The following TJP2 variants were observed in gnomAD, a reference collection of about 807,000 sequenced individuals.
TJP2 encodes tight junction protein 2.
TJP2 carries 91 observed loss-of-function variants against 133.1 expected under a neutral mutation model. The observed-to-expected ratio is 0.68, with a 90% CI of 0.58 to 0.81. TJP2 has a LOEUF of 0.81. Among genes scored for constraint, TJP2 ranks in the 40% least tolerant of loss-of-function variants. TJP2 has a pLI of 0.00. For synonymous variants in TJP2, 592 were observed against 583.4 expected (o/e 1.01, Z -0.21); for missense variants, 1,541 against 1,565.6 (o/e 0.98, Z 0.26).
chr9:69,166,505 G>A (rs903875120), intron 2 of TJP2, among the ~76,000 whole-genome samples: 7 of 151,558 alleles, frequency 4.6e-5, no homozygotes, highest in African/African-American at 1.7e-4. Flanking sequence ...CACTTTGGGA[G>A]ACCAAGGTAG....
chr9:69,238,882 A>G, intron 16 of TJP2, 93 bp downstream of exon 16: 4 of 1,108,652 alleles, frequency 3.6e-6, no homozygotes, highest in Non-Finnish European at 4.0e-6. Flanking sequence ...ACTTTTAATC[A>G]TTAAATGTTA....
At chr9:69,224,601 T>C (rs1477022061) in intron 5 of TJP2, among the ~76,000 whole-genome samples, 3 of 152,110 alleles carry the variant, frequency 2.0e-5, no homozygotes, top group Non-Finnish European at 2.9e-5. Context: ...CACTTGAACC[T>C]GGGAGGCAGA....
At chr9:69,218,425 A>G (rs1828554157) in intron 4 of TJP2, 66 bp downstream of exon 4, 1 of 1,183,248 alleles carries the variant, frequency 8.5e-7, no homozygotes, top group African/African-American at 1.5e-5. Context: ...GAAGAAAATT[A>G]CCCCTTGCTT....
chr9:69,135,326 C>G (rs1303502847), intron 1 of TJP2, among the ~76,000 whole-genome samples: 1 of 152,052 alleles, frequency 6.6e-6, no homozygotes, highest in East Asian at 1.9e-4. Flanking sequence ...ATTTATTATC[C>G]CCGGTTTACA....
In TJP2 at chr9:69,221,502, C is replaced by T. The variant is rs1250296782; in HGVS notation, c.952+6C>T. 1.2e-6 allele frequency: 2 copies of T among 1,601,932 alleles called. No individual in the cohort carries two copies. Among genetic ancestry groups the T allele is most frequent in the Non-Finnish European group, 8.5e-7 (1 of 1,173,988 alleles). On this transcript the variant is annotated splice_donor_region_variant and intron_variant, in intron 5 of 22. Transcript: ENST00000377245. ...GAAAAGCAGAGCGAACGAAGGTAGG[C>T]ATGCTTGATGTGGGAAGAAAAGCAC... is the stretch of plus-strand genomic sequence containing the variant.
At chr9:69,238,832 G>C (rs1830384009) in intron 16 of TJP2, 43 bp downstream of exon 16, 30 of 1,477,446 alleles carry the variant, frequency 2.0e-5, no homozygotes, top group Non-Finnish European at 2.7e-5. Context: ...GAAAGAATTA[G>C]ATTATGGTTT....
At chr9:69,249,787 T>C (rs897195837) in intron 20 of TJP2, 8 of 977,936 alleles carry the variant, frequency 8.2e-6, no homozygotes, top group Non-Finnish European at 9.7e-6. Flanking sequence ...TACTGTACTG[T>C]ATACCCAGAA....
chr9:69,134,282 A>T (rs543910348), intron 1 of TJP2, among the ~76,000 whole-genome samples: 1 of 152,242 alleles, frequency 6.6e-6, no homozygotes. Context: ...CTGCCCTCAG[A>T]GCAGAGCTTA....
At chr9:69,209,751 CAA>C (rs377576927) in intron 1 of TJP2, among the ~76,000 whole-genome samples, 1 of 136,240 alleles carries the variant, frequency 7.3e-6, no homozygotes, top group Non-Finnish European at 1.6e-5. Context: ...AACTCCATCT[CAA>C]AAAAAAAAAA....
intron 17 of TJP2, among the ~76,000 whole-genome samples, chr9:69,242,579 AT>A (rs1325319545): frequency 2.0e-5 from 3 of 152,222 alleles, no homozygotes; most frequent in Non-Finnish European, 4.4e-5. Context: ...CCAATCTCTT[AT>A]GTAGAATTGT....
chr9:69,209,756 A>AC (rs1827723262), intron 1 of TJP2, among the ~76,000 whole-genome samples: 2 of 151,934 alleles, frequency 1.3e-5, no homozygotes, highest in South Asian at 4.2e-4. Context: ...CATCTCAAAA[A>AC]AAAAAAACAA....
intron 2 of TJP2, among the ~76,000 whole-genome samples, chr9:69,214,802 G>A (rs772606395): frequency 6.7e-6 from 1 of 150,042 alleles, no homozygotes; most frequent in East Asian, 2.0e-4. Context: ...GAACCTAGGA[G>A]GCAGGGGTTG....
rs1461747690 is a variant in TJP2 at position 69,124,636 on chromosome 9, C to T, written c.-131+2911C>T. Among the ~76,000 whole-genome samples, 14 of 77,552 alleles carry T rather than the reference C, an allele frequency of 1.8e-4. 5 individuals carry two copies. The highest frequency in any genetic ancestry group is 2.0e-4 in the African/African-American group (5 of 25,494). 50.9% of individuals were successfully genotyped at this position (77,552 alleles called of 152,430 possible). ...AAATGGTGAATGAAGATAATTCAAA[C>T]GGCAAGATTTGGCAGAACATTCTCT... On this transcript the variant is annotated intron_variant, in intron 1 of 5. Transcript: ENST00000423935.
intron 1 of TJP2, among the ~76,000 whole-genome samples, chr9:69,179,306 A>T (rs998773929): frequency 6.6e-6 from 1 of 152,196 alleles, no homozygotes; most frequent in East Asian, 1.9e-4. Context: ...GAAAAACGTA[A>T]TGTAGCTTTC....
chr9:69,202,109 T>G (rs917682336), intron 1 of TJP2, among the ~76,000 whole-genome samples: 1 of 152,112 alleles, frequency 6.6e-6, no homozygotes, highest in African/African-American at 2.4e-5. Flanking sequence ...AAACAGAAAT[T>G]TATTTGCCCA....
chr9:69,250,546 T>G (rs903771954), intron 20 of TJP2, among the ~76,000 whole-genome samples: 1 of 152,120 alleles, frequency 6.6e-6, no homozygotes, highest in East Asian at 1.9e-4. Context: ...AGACTGGAAG[T>G]GTGAAGGAAA....
chr9:69,217,488 G>A (rs925114248), intron 3 of TJP2, among the ~76,000 whole-genome samples: 4 of 152,262 alleles, frequency 2.6e-5, no homozygotes, highest in Non-Finnish European at 2.9e-5. Flanking sequence ...TGGCAGGAAC[G>A]CTTGAGGCCA....
intron 13 of TJP2, 70 bp downstream of exon 13, chr9:69,236,308 C>A (rs1228528049): frequency 6.6e-7 from 1 of 1,509,862 alleles, no homozygotes; most frequent in Non-Finnish European, 9.1e-7. Flanking sequence ...GACCGCCCCC[C>A]TTCCCCCGTA....
upstream of TJP2, among the ~76,000 whole-genome samples, chr9:69,173,011 C>T (rs1416738): frequency 0.43 from 64,847 of 151,994 alleles, 14,129 homozygotes; most frequent in East Asian, 0.63. Flanking sequence ...TATCCAGAGG[C>T]GTGGACTTAG....
Sources: gnomAD v4.1 joint callset for allele counts (sites outside exome capture counted in the v4.1 genomes callset) on GRCh38, gnomAD v4.1.1 for gene constraint, MANE v1.5 for transcripts, NCBI Gene and HGNC (gene_info 2026-07-23, HGNC 2026-07-21) for gene names.